The following AFG2A variants were observed in gnomAD, a reference collection of about 807,000 sequenced individuals.
AFG2A encodes the protein AAA ATPase AFG2A, also known as ATPase family gene 2 protein homolog A.
chr4:123,296,659 G>A, the AFG2A span, among the ~76,000 whole-genome samples: 1 of 151,944 alleles, frequency 6.6e-6, no homozygotes, highest in Non-Finnish European at 1.5e-5. Context: ...AACAAAATTG[G>A]TCATGAGTTG....
the AFG2A span, among the ~76,000 whole-genome samples, chr4:123,091,444 A>T: frequency 6.6e-6 from 1 of 152,234 alleles, no homozygotes; most frequent in Non-Finnish European, 1.5e-5. Flanking sequence ...TCTCTAGAGA[A>T]TTGAAGTTTT....
chr4:123,094,925 G>C, the AFG2A span, among the ~76,000 whole-genome samples: 1 of 149,880 alleles, frequency 6.7e-6, no homozygotes, highest in Non-Finnish European at 1.5e-5. Context: ...CTTGTGACCT[G>C]TCCTACACCA....
chr4:122,971,642 T>C, the AFG2A span, among the ~76,000 whole-genome samples: 6 of 152,210 alleles, frequency 3.9e-5, no homozygotes, highest in Admixed American at 2.6e-4. Flanking sequence ...ATTCTTGATT[T>C]AATAGAAAGT....
At chr4:123,095,945 T>C in the AFG2A span, among the ~76,000 whole-genome samples, 1 of 152,312 alleles carries the variant, frequency 6.6e-6, no homozygotes, top group African/African-American at 2.4e-5. Context: ...GTGTTGTGCA[T>C]ATTTAGTGTC....
chr4:123,078,671 A>G, the AFG2A span, among the ~76,000 whole-genome samples: 27 of 152,244 alleles, frequency 1.8e-4, no homozygotes, highest in Non-Finnish European at 8.8e-5. Flanking sequence ...GCAGTCCCCA[A>G]CTTCAATCTA....
the AFG2A span, among the ~76,000 whole-genome samples, chr4:123,292,939 C>T: frequency 6.6e-6 from 1 of 152,150 alleles, no homozygotes; most frequent in African/African-American, 2.4e-5. Flanking sequence ...ACAGAAGCAA[C>T]TGGGGGAGCT....
At chr4:122,945,636 G>A in the AFG2A span, among the ~76,000 whole-genome samples, 10 of 152,108 alleles carry the variant, frequency 6.6e-5, no homozygotes, top group African/African-American at 1.9e-4. Context: ...GCTCGCACAC[G>A]GTGCGCTGCA....
chr4:123,190,396 T>C, the AFG2A span, among the ~76,000 whole-genome samples: 1 of 152,314 alleles, frequency 6.6e-6, no homozygotes, highest in Middle Eastern at 3.4e-3. Context: ...AGGCAAAAAA[T>C]AAAGCAGTGT....
the AFG2A span, among the ~76,000 whole-genome samples, chr4:123,189,717 C>T: frequency 6.6e-6 from 1 of 151,294 alleles, no homozygotes; most frequent in African/African-American, 2.4e-5. Context: ...GAAAAGATGC[C>T]TTCCATTTGC....
At chr4:123,311,013 C>G in the AFG2A span, among the ~76,000 whole-genome samples, 1 of 152,194 alleles carries the variant, frequency 6.6e-6, no homozygotes. Flanking sequence ...ACCCATGTTT[C>G]TCTTTTCATT....
At chr4:123,030,802 C>A in the AFG2A span, among the ~76,000 whole-genome samples, 1 of 152,074 alleles carries the variant, frequency 6.6e-6, no homozygotes, top group East Asian at 1.9e-4. Flanking sequence ...GAAATATTTG[C>A]ATTATACTTC....
chr4:122,983,008 C>T, the AFG2A span, among the ~76,000 whole-genome samples: 1 of 150,698 alleles, frequency 6.6e-6, no homozygotes, highest in Admixed American at 6.6e-5. Context: ...GCTGGGATTA[C>T]AGGCACCCGC....
chr4:123,116,310 T>G, the AFG2A span, among the ~76,000 whole-genome samples: 1 of 152,128 alleles, frequency 6.6e-6, no homozygotes, highest in Non-Finnish European at 1.5e-5. Context: ...CAAACAAAAA[T>G]TATTGGAACC....
chr4:122,996,570 CAGATAGATAGAT>C, the AFG2A span, among the ~76,000 whole-genome samples: 513 of 139,642 alleles, frequency 3.7e-3, 2 homozygotes, highest in Middle Eastern at 0.014. Flanking sequence ...GGTAGGTAGG[CAGATAGATAGAT>C]AGATAGATAG....
the AFG2A span, among the ~76,000 whole-genome samples, chr4:123,039,605 C>T: frequency 6.6e-6 from 1 of 151,786 alleles, no homozygotes; most frequent in African/African-American, 2.4e-5. Context: ...GTTTATTTGA[C>T]TTTATATTAT....
the AFG2A span, among the ~76,000 whole-genome samples, chr4:122,939,486 A>C: frequency 6.6e-6 from 1 of 152,206 alleles, no homozygotes; most frequent in Non-Finnish European, 1.5e-5. Context: ...AAGACTCCTG[A>C]CATCCATTAA....
At chr4:123,260,941 T>G in the AFG2A span, among the ~76,000 whole-genome samples, 1 of 152,214 alleles carries the variant, frequency 6.6e-6, no homozygotes, top group East Asian at 1.9e-4. Context: ...CATTACTGCC[T>G]GAGTTCTGCC....
chr4:122,941,149 G>GT, the AFG2A span, among the ~76,000 whole-genome samples: 3 of 151,230 alleles, frequency 2.0e-5, no homozygotes, highest in Non-Finnish European at 4.4e-5. Context: ...CTTTAAAGTA[G>GT]TTTTTTCCAA....
chr4:123,209,920 G>A, the AFG2A span, among the ~76,000 whole-genome samples: 2 of 152,040 alleles, frequency 1.3e-5, no homozygotes, highest in African/African-American at 4.8e-5. Context: ...TTTGGGTTTT[G>A]ATAATACTGT....
Sources: allele counts gnomAD v4.1 joint callset (sites outside exome capture counted in the v4.1 genomes callset), GRCh38; gene constraint gnomAD v4.1.1; transcripts MANE v1.5; gene names NCBI Gene and HGNC (gene_info 2026-07-23, HGNC 2026-07-21).